Variants in TLE4 observed in about 807,000 individuals in gnomAD.
TLE4 encodes the protein TLE family member 4, transcriptional corepressor, also known as transducin-like enhancer protein 4.
In TLE4, 8 loss-of-function variants were observed where a neutral mutation model predicts 92.8. That is an observed-to-expected ratio of 0.09 (90% CI 0.05 to 0.16). The LOEUF (loss-of-function observed/expected upper bound fraction) is 0.16, where lower values mean the gene tolerates loss of function less well. TLE4 is among the 10% of genes least tolerant of loss of function. TLE4 has a pLI of 1.00. For missense variants in TLE4, 675 were observed against 997.6 expected (o/e 0.68, Z 4.36); for synonymous variants, 371 against 374.1 (o/e 0.99, Z 0.10).
intron 6 of TLE4, among the ~76,000 whole-genome samples, chr9:79,643,267 T>A (rs1332778697): frequency 1.3e-5 from 2 of 152,222 alleles, no homozygotes; most frequent in African/African-American, 4.8e-5. Flanking sequence ...TTTTGGAATG[T>A]GCTGAACTAA....
intron 8 of TLE4, among the ~76,000 whole-genome samples, chr9:79,696,166 G>A (rs1336530387): frequency 6.6e-6 from 1 of 152,038 alleles, no homozygotes; most frequent in East Asian, 1.9e-4. Context: ...AATGTAAAAT[G>A]TCACATAATT....
rs1023823059 is a variant in TLE4 at position 79,625,539 on chromosome 9, A to C, written c.316-1835A>C. On this transcript the variant is annotated intron_variant, in intron 5 of 19. Coordinates refer to ENST00000376552, the MANE Select transcript of TLE4 (RefSeq NM_007005.6). ...TGAGTATAGGAAAGTAAAAGGTGGA[A>C]AATCCCATAAACATTTCTATCCTAC... is the stretch of plus-strand genomic sequence containing the variant. Among the ~76,000 whole-genome samples, 5 of 152,154 alleles carry C rather than the reference A, an allele frequency of 3.3e-5. 1 individual carries two copies. The South Asian group carries it at 1.0e-3, about 31-fold the overall frequency.
intron 6 of TLE4, among the ~76,000 whole-genome samples, chr9:79,633,589 T>C (rs1056792951): frequency 2.6e-5 from 4 of 152,070 alleles, no homozygotes; most frequent in Admixed American, 2.6e-4. Flanking sequence ...GCTGAGCTTA[T>C]GCAGAGGTCT....
rs745508553 is a variant in TLE4 at position 79,573,792 on chromosome 9, G to C, written c.143+6G>C. ...TTACAGGCTCAATACCACAGGTAAC[G>C]ATATTGACTTTAGCTGATCCTTCTG... On this transcript the variant is annotated splice_donor_region_variant and intron_variant, in intron 2 of 19. Coordinates refer to ENST00000376552, the MANE Select transcript of TLE4 (RefSeq NM_007005.6). 4.5e-6 allele frequency: 7 copies of C among 1,570,472 alleles called. No individual in the cohort carries two copies. The highest frequency in any genetic ancestry group is 1.7e-5 in the Admixed American group (1 of 59,208).
chr9:79,627,627 C>T, intron 6 of TLE4, 179 bp downstream of exon 6: 1 of 626,704 alleles, frequency 1.6e-6, no homozygotes. Flanking sequence ...AACTTTGGAT[C>T]ACATTCTCAC....
intron 8 of TLE4, among the ~76,000 whole-genome samples, chr9:79,666,199 GT>G (rs1416031502): frequency 1.7e-4 from 24 of 137,810 alleles, no homozygotes; most frequent in South Asian, 7.0e-4. Context: ...GTGTGTGTGG[GT>G]GGGGTTTTTT....
chr9:79,716,888 T>A (rs1261244195), intron 14 of TLE4, among the ~76,000 whole-genome samples: 6 of 152,226 alleles, frequency 3.9e-5, no homozygotes, highest in Admixed American at 2.6e-4. Flanking sequence ...ATTCCATTCT[T>A]ACCATAATGC....
At chr9:79,687,762 A>C (rs1206085207) in intron 8 of TLE4, among the ~76,000 whole-genome samples, 1 of 152,158 alleles carries the variant, frequency 6.6e-6, no homozygotes, top group African/African-American at 2.4e-5. Flanking sequence ...GCAGTCCTTA[A>C]AATCAGAGGC....
rs1288077246 is a variant in TLE4, at chr9:79,579,549, A to G, written c.252+3372A>G. Among the ~76,000 whole-genome samples the G allele has an allele frequency of 2.0e-5, 3 of 152,224 alleles. 1 individual carries two copies. Among genetic ancestry groups the G allele is most frequent in the Non-Finnish European group, 4.4e-5 (3 of 68,034 alleles). On this transcript the variant is annotated intron_variant, in intron 4 of 19. Coordinates refer to ENST00000376552, the MANE Select transcript of TLE4 (RefSeq NM_007005.6). Reference sequence around the variant, plus strand: ...TATTCTACAATGTGAAAGCTTCTTCATTTGAATTTTAGTAATCATCAGGAA... The same window carrying G: ...TATTCTACAATGTGAAAGCTTCTTCGTTTGAATTTTAGTAATCATCAGGAA...
At chr9:79,582,442 C>T (rs938926858) in intron 4 of TLE4, among the ~76,000 whole-genome samples, 4 of 152,152 alleles carry the variant, frequency 2.6e-5, no homozygotes, top group African/African-American at 7.2e-5. Flanking sequence ...GGTGCTGTTG[C>T]AGCACTGGTG....
At chr9:79,589,242 C>T (rs2041954094) in intron 4 of TLE4, among the ~76,000 whole-genome samples, 1 of 152,126 alleles carries the variant, frequency 6.6e-6, no homozygotes, top group Non-Finnish European at 1.5e-5. Context: ...AGAGAAAGGC[C>T]AAGTATGAGC....
intron 6 of TLE4, among the ~76,000 whole-genome samples, chr9:79,634,040 T>G (rs570986120): frequency 6.6e-6 from 1 of 152,344 alleles, no homozygotes; most frequent in South Asian, 2.1e-4. Flanking sequence ...CCTTAAGACC[T>G]TTGTGAAAAG....
At chr9:79,648,114 A>T (rs888353499) in intron 6 of TLE4, among the ~76,000 whole-genome samples, 5 of 152,156 alleles carry the variant, frequency 3.3e-5, no homozygotes, top group Admixed American at 1.3e-4. Context: ...ATGCTAGTTT[A>T]TGGAAAGTCT....
chr9:79,594,185 T>C (rs1820836746), intron 4 of TLE4, among the ~76,000 whole-genome samples: 1 of 152,206 alleles, frequency 6.6e-6, no homozygotes. Flanking sequence ...TGCATACAAA[T>C]CACTGAAATC....
At chr9:79,671,059 TAA>T in intron 8 of TLE4, 2 of 250,544 alleles carry the variant, frequency 8.0e-6, no homozygotes, top group Non-Finnish European at 1.7e-5. Flanking sequence ...AAATTTTGCC[TAA>T]AAAAAAATCT....
Position 79,573,794 on chromosome 9 carries a change from T to A in TLE4, c.143+8T>A, listed in dbSNP as rs2036723488. On this transcript the variant is annotated splice_region_variant and intron_variant, in intron 2 of 19. Coordinates refer to ENST00000376552, the MANE Select transcript of TLE4 (RefSeq NM_007005.6). The stretch of plus-strand genomic sequence containing the variant: ...ACAGGCTCAATACCACAGGTAACGA[T>A]ATTGACTTTAGCTGATCCTTCTGTT... The A allele has an allele frequency of 6.4e-7, 1 of 1,566,214 alleles. No homozygotes were observed. Among genetic ancestry groups the A allele is most frequent in the Non-Finnish European group, 8.7e-7 (1 of 1,144,482 alleles).
chr9:79,633,131 G>A (rs1276494943), intron 6 of TLE4, among the ~76,000 whole-genome samples: 2 of 152,176 alleles, frequency 1.3e-5, no homozygotes, highest in African/African-American at 2.4e-5. Context: ...TTTCTGCTAC[G>A]GTTTGATGAG....
intron 4 of TLE4, among the ~76,000 whole-genome samples, chr9:79,602,002 G>T (rs2045775543): frequency 2.6e-5 from 4 of 152,282 alleles, no homozygotes; most frequent in South Asian, 4.1e-4. Context: ...GATAGTTTTA[G>T]TGGTCTGGAT....
chr9:79,646,006 AAT>A (rs964347637), intron 6 of TLE4, among the ~76,000 whole-genome samples: 2 of 151,976 alleles, frequency 1.3e-5, no homozygotes, highest in African/African-American at 4.8e-5. Context: ...CGTTTATTTT[AAT>A]ACTCTAGTCT....
Sources: allele counts gnomAD v4.1 joint callset (sites outside exome capture counted in the v4.1 genomes callset), GRCh38; gene constraint gnomAD v4.1.1; transcripts MANE v1.5; gene names NCBI Gene and HGNC (gene_info 2026-07-23, HGNC 2026-07-21).